UNC13B: variants seen among roughly 807,000 people sequenced by gnomAD.
UNC13B encodes protein unc-13 homolog B.
UNC13B carries 144 observed loss-of-function variants against 211.0 expected under a neutral mutation model. The observed-to-expected ratio is 0.68, with a 90% CI of 0.60 to 0.78. UNC13B has a LOEUF of 0.78. Ranked by LOEUF, UNC13B falls within the 30% of genes least tolerant of loss-of-function variation. The probability of loss-of-function intolerance (pLI) is 0.00; values close to 1 mark genes in which losing one functional copy is unlikely to be tolerated. For missense variants in UNC13B, 1,777 were observed against 2,002.0 expected (o/e 0.89, Z 2.14); for synonymous variants, 709 against 725.8 (o/e 0.98, Z 0.37).
In UNC13B at chr9:35,302,149, CA is replaced by C. The variant is rs1033724460; in HGVS notation, c.2753del (p.Asn918IlefsTer11). 2.4e-4 allele frequency: 94 copies of C among 397,952 alleles called. No homozygotes were observed. In the East Asian group the frequency reaches 3.2e-3, roughly 13 times the overall value. 24.7% of individuals were successfully genotyped at this position (397,952 alleles called of 1,614,324 possible). A position where few individuals can be genotyped will look rare whatever the true frequency, so the allele number is the denominator to read the frequency against. On this transcript the variant is annotated frameshift_variant, in exon 9 of 40. Transcript: ENST00000635942. LOFTEE classifies it high-confidence loss of function. ...CAGCAGTAACCACTGATGAGGAGAG[CA>C]AAAAAAATTGCCATGAAGATACCAA... Reference protein sequence around the residue: ...GSAVTTDEESKKNCHEDTKHS... With the variant: ...GSAVTTDEESXKNCHEDTKHS...
chr9:35,251,735 A>G (rs1245651997), intron 6 of UNC13B, among the ~76,000 whole-genome samples: 1 of 152,044 alleles, frequency 6.6e-6, no homozygotes, highest in Admixed American at 6.5e-5. Context: ...TCCAATACCT[A>G]GTCTTTTCAA....
intron 11 of UNC13B, among the ~76,000 whole-genome samples, chr9:35,315,245 A>G (rs896059303): frequency 6.6e-6 from 1 of 151,984 alleles, no homozygotes; most frequent in Non-Finnish European, 1.5e-5. Context: ...GGGTGCAGGT[A>G]TCTTTTTGAT....
chr9:35,307,998 T>C lies in UNC13B; in HGVS notation c.8594T>C (p.Leu2865Ser), dbSNP rs1351973469. 5.0e-6 allele frequency: 2 copies of C among 398,950 alleles called. No homozygotes were observed. The highest frequency in any genetic ancestry group is 8.8e-6 in the Non-Finnish European group (2 of 226,112). The allele number at this position is 398,950 out of a possible 1,614,324, so 24.7% of individuals were successfully genotyped here. The change falls in exon 9 of 40, where the codon TTA (leucine) becomes TCA (serine). Residue 2865 changes from leucine to serine, a missense_variant. Transcript: ENST00000635942. ...QMPTESSPPV[L>S]VTSSDQDLNS... Reference sequence around the variant, plus strand: ...CCTACAGAATCCTCCCCTCCAGTTTTAGTTACTAGCAGTGATCAGGACCTT... The same window carrying C: ...CCTACAGAATCCTCCCCTCCAGTTTCAGTTACTAGCAGTGATCAGGACCTT...
intron 5 of UNC13B, among the ~76,000 whole-genome samples, chr9:35,242,721 T>G (rs1825875450): frequency 6.6e-6 from 1 of 152,224 alleles, no homozygotes; most frequent in African/African-American, 2.4e-5. Context: ...AACTCTTGGC[T>G]ATTGTGAATA....
chr9:35,371,184 C>T (rs556033170), intron 13 of UNC13B, among the ~76,000 whole-genome samples: 9 of 152,050 alleles, frequency 5.9e-5, no homozygotes, highest in African/African-American at 2.2e-4. Context: ...ATTGTTTTTC[C>T]TAACCACCCC....
intron 1 of UNC13B, among the ~76,000 whole-genome samples, chr9:35,199,024 C>T (rs1012119851): frequency 2.0e-5 from 3 of 152,178 alleles, no homozygotes; most frequent in East Asian, 1.9e-4. Flanking sequence ...CCCTACTGCA[C>T]GACAGGCCCC....
At position 35,259,179 on chromosome 9, in the gene UNC13B, A is replaced by T. The variant is rs904707929; in HGVS notation, c.526+129A>T. 17 of 979,020 alleles carry T rather than the reference A, an allele frequency of 1.7e-5. 1 individual carries two copies. In the Admixed American group the frequency reaches 2.2e-4, roughly 13 times the overall value. 60.6% of individuals were successfully genotyped at this position (979,020 alleles called of 1,614,324 possible). Reference sequence around the variant, plus strand: ...TAAGCAGAAGATATTCCTGAAGCACATCTGTTCAGGCGCCTTTCTCTGATG... The same window carrying T: ...TAAGCAGAAGATATTCCTGAAGCACTTCTGTTCAGGCGCCTTTCTCTGATG... On this transcript the variant is annotated intron_variant, in intron 7 of 39. Coordinates refer to ENST00000635942, the MANE Select transcript of UNC13B (RefSeq NM_001371189.2).
chr9:35,328,622 T>C (rs1469615129), intron 11 of UNC13B, among the ~76,000 whole-genome samples: 7 of 102,570 alleles, frequency 6.8e-5, no homozygotes, highest in African/African-American at 3.0e-4. Flanking sequence ...CTTCCTTCCT[T>C]CCTTCCTTCC....
chr9:35,359,854 G>C (rs1833281033), intron 11 of UNC13B, among the ~76,000 whole-genome samples: 1 of 152,124 alleles, frequency 6.6e-6, no homozygotes, highest in Non-Finnish European at 1.5e-5. Context: ...TCCCTCTACA[G>C]TCTGTTCTCC....
rs74571797 is a variant in UNC13B, at chr9:35,211,511, C to T, written c.23-16504C>T. On this transcript the variant is annotated intron_variant, in intron 1 of 39. Coordinates refer to ENST00000635942, the MANE Select transcript of UNC13B (RefSeq NM_001371189.2). ...ACTTATCTACTCATCTTCTATTGAACATTTAGGCTGATTCTAACATTTTAC... is the reference window on the plus strand; with the variant it reads ...ACTTATCTACTCATCTTCTATTGAATATTTAGGCTGATTCTAACATTTTAC... Among the ~76,000 whole-genome samples, 1,301 of 152,284 alleles carry T rather than the reference C, an allele frequency of 8.5e-3. 12 individuals are homozygous for T. Among genetic ancestry groups the T allele is most frequent in the African/African-American group, 0.03 (1,231 of 41,548 alleles).
intron 7 of UNC13B, among the ~76,000 whole-genome samples, chr9:35,266,985 G>A (rs975453533): frequency 6.6e-6 from 1 of 152,140 alleles, no homozygotes; most frequent in African/African-American, 2.4e-5. Context: ...TTATGAGAGG[G>A]AGCAGAGTTT....
rs1178765363 is a variant in UNC13B, at chr9:35,307,049, G to C, written c.7645G>C (p.Glu2549Gln). 2.5e-6 allele frequency: 1 copy of C among 398,890 alleles called. No homozygotes were observed. Among genetic ancestry groups the C allele is most frequent in the Non-Finnish European group, 4.4e-6 (1 of 226,068 alleles). 24.7% of individuals were successfully genotyped at this position (398,890 alleles called of 1,614,324 possible). ...AGATGCTGTAGGATCAGTACCTCCA[G>C]AAAGGAGAGAAGCTGCCTTTACAGC... ...SRDAVGSVPP[E>Q]RREAAFTALS... The change falls in exon 9 of 40, where the codon GAA becomes CAA. Residue 2549 changes from glutamate (E) to glutamine (Q), a missense_variant. Coordinates refer to ENST00000635942, the MANE Select transcript of UNC13B (RefSeq NM_001371189.2).
chr9:35,164,201 G>C (rs559025975), intron 1 of UNC13B, among the ~76,000 whole-genome samples: 17 of 152,242 alleles, frequency 1.1e-4, no homozygotes, highest in Middle Eastern at 3.4e-3. Context: ...ATTTTTTGTA[G>C]AGACAGAGTT....
intron 8 of UNC13B, among the ~76,000 whole-genome samples, chr9:35,296,957 A>G (rs1829389761): frequency 6.6e-6 from 1 of 152,030 alleles, no homozygotes; most frequent in Non-Finnish European, 1.5e-5. Context: ...AATGTTCTGT[A>G]TGTATATTTG....
chr9:35,181,734 G>A (rs556528380), intron 1 of UNC13B, among the ~76,000 whole-genome samples: 7 of 152,300 alleles, frequency 4.6e-5, no homozygotes, highest in Non-Finnish European at 7.4e-5. Flanking sequence ...CTACTCGGGA[G>A]GCTGAGGCAG....
At chr9:35,286,962 T>C (rs1389510121) in intron 7 of UNC13B, among the ~76,000 whole-genome samples, 3 of 152,002 alleles carry the variant, frequency 2.0e-5, no homozygotes, top group African/African-American at 7.2e-5. Context: ...GTAAAATGTT[T>C]CGTTGAATTC....
In UNC13B at chr9:35,295,835, G is replaced by A. The variant is rs376032394; in HGVS notation, c.666G>A (p.Ser222=). Residue 222 remains serine, a synonymous_variant, in exon 8 of 40, where the codon TCG becomes TCA. Coordinates refer to ENST00000635942, the MANE Select transcript of UNC13B (RefSeq NM_001371189.2). ...ACCAGTTCCCTGTGCCGGTGCGATCGCCACAGCAGCTGCTACTTCAAGGCA... is the reference window on the plus strand; with the variant it reads ...ACCAGTTCCCTGTGCCGGTGCGATCACCACAGCAGCTGCTACTTCAAGGCA... The part of the protein sequence containing the change: ...SVHQFPVPVR[S]PQQLLLQGSS... 100 of 1,613,936 alleles carry A rather than the reference G, an allele frequency of 6.2e-5. No individual in the cohort carries two copies. In the African/African-American group the frequency reaches 6.8e-4, roughly 11 times the overall value.
At chr9:35,298,520 T>TAACA (rs137985694) in intron 8 of UNC13B, among the ~76,000 whole-genome samples, 3,963 of 152,266 alleles carry the variant, frequency 0.026, 84 homozygotes, top group Non-Finnish European at 0.043. Context: ...GGGTCTTGCG[T>TAACA]TGTTGCTCAG....
At chr9:35,317,047 A>C (rs1433181431) in intron 11 of UNC13B, among the ~76,000 whole-genome samples, 1 of 152,146 alleles carries the variant, frequency 6.6e-6, no homozygotes, top group Non-Finnish European at 1.5e-5. Context: ...TTTTTATAAT[A>C]TATATTAATG....
Sources: gnomAD v4.1 joint callset for allele counts (sites outside exome capture counted in the v4.1 genomes callset) on GRCh38, gnomAD v4.1.1 for gene constraint, MANE v1.5 for transcripts, NCBI Gene and HGNC (gene_info 2026-07-23, HGNC 2026-07-21) for gene names.